TNFRSF8: variants seen among roughly 807,000 people sequenced by gnomAD.
TNFRSF8 encodes the protein TNF receptor superfamily member 8.
TNFRSF8 carries 26 observed loss-of-function variants against 70.8 expected under a neutral mutation model. That is an observed-to-expected ratio of 0.37 (90% CI 0.27 to 0.51). The LOEUF (loss-of-function observed/expected upper bound fraction) is 0.51. Among genes scored for constraint, TNFRSF8 ranks in the 20% least tolerant of loss-of-function variants. The probability of loss-of-function intolerance (pLI) is 0.94; values close to 1 mark genes in which losing one functional copy is unlikely to be tolerated. For synonymous variants in TNFRSF8, 356 were observed against 339.2 expected (o/e 1.05, Z -0.54); for missense variants, 720 against 807.9 (o/e 0.89, Z 1.32).
intron 2 of TNFRSF8, among the ~76,000 whole-genome samples, chr1:12,094,851 T>C (rs1244258406): frequency 4.0e-5 from 6 of 151,664 alleles, no homozygotes; most frequent in African/African-American, 1.5e-4. Context: ...GTCTTGAACT[T>C]ATGACCTCAA....
intron 7 of TNFRSF8, among the ~76,000 whole-genome samples, chr1:12,114,681 G>A (rs1464706972): frequency 1.2e-4 from 16 of 135,992 alleles, no homozygotes; most frequent in African/African-American, 4.3e-4. Flanking sequence ...TTTGCTTTTG[G>A]AGGAAAAAAA....
At chr1:12,075,023 G>A (rs1390556636) in intron 1 of TNFRSF8, among the ~76,000 whole-genome samples, 4 of 152,102 alleles carry the variant, frequency 2.6e-5, no homozygotes, top group African/African-American at 7.2e-5. Flanking sequence ...TTGGGAGGCC[G>A]AGGCAGGTGG....
chr1:12,064,526 A>C (rs1024654408), intron 1 of TNFRSF8, among the ~76,000 whole-genome samples: 2 of 151,586 alleles, frequency 1.3e-5, no homozygotes, highest in Non-Finnish European at 2.9e-5. Flanking sequence ...AATGATACAG[A>C]GGGAAAGGAA....
intron 2 of TNFRSF8, 38 bp from the exon 3 acceptor site, chr1:12,097,063 G>A: frequency 3.2e-6 from 5 of 1,577,954 alleles, no homozygotes; most frequent in Non-Finnish European, 4.4e-6. Flanking sequence ...CCTTTGCTAA[G>A]TCAGCCTGGC....
rs1642297246 is a variant in TNFRSF8 at position 12,143,474 on chromosome 1, ATCTTCCTTAGG to A, written c.*947_*957del. On this transcript the variant is annotated 3_prime_UTR_variant, in exon 15 of 15. Transcript: ENST00000263932. The surrounding 1 kb of genome is among the most constrained non-coding windows in gnomAD (Gnocchi z 4.1). ...ACTCTGTCCTGGGAAATGAAGAAGC[ATCTTCCTTAGG>A]TCTGCCCTGCTTGCAAATCCACTAG... The A allele has an allele frequency of 2.0e-5, 3 of 152,300 alleles. No homozygotes were observed. 9.4% of individuals were successfully genotyped at this position (152,300 alleles called of 1,614,324 possible). A position where few individuals can be genotyped will look rare whatever the true frequency, so the allele number is the denominator to read the frequency against.
chr1:12,075,636 GCCA>G (rs1425973081), intron 1 of TNFRSF8, among the ~76,000 whole-genome samples: 1 of 152,154 alleles, frequency 6.6e-6, no homozygotes, highest in African/African-American at 2.4e-5. Flanking sequence ...ATTCCCCTTT[GCCA>G]TGTAAGGAGA....
intron 3 of TNFRSF8, among the ~76,000 whole-genome samples, chr1:12,103,301 G>A (rs1407456323): frequency 6.6e-6 from 1 of 151,916 alleles, no homozygotes; most frequent in African/African-American, 2.4e-5. Context: ...GTTGCAGTGA[G>A]CCGAGATTGC....
chr1:12,123,924 G>T, intron 10 of TNFRSF8, 97 bp downstream of exon 10: 1 of 1,115,148 alleles, frequency 9.0e-7, no homozygotes, highest in South Asian at 1.4e-5. Context: ...TCCTTTGTGG[G>T]TATGGTCTGA....
intron 1 of TNFRSF8, chr1:12,080,373 G>A (rs897786150): frequency 7.6e-6 from 4 of 524,644 alleles, no homozygotes; most frequent in African/African-American, 5.8e-5. Context: ...ATGCCATAGA[G>A]CTTTGTCACA....
At position 12,091,828 on chromosome 1, in the gene TNFRSF8, A is replaced by G. The variant is rs142486167; in HGVS notation, c.152-5273A>G. Among the ~76,000 whole-genome samples, 486 of 152,286 alleles carry G rather than the reference A, an allele frequency of 3.2e-3. 2 individuals carry two copies. Among genetic ancestry groups the G allele is most frequent in the African/African-American group, 0.011 (450 of 41,558 alleles). On this transcript the variant is annotated intron_variant, in intron 2 of 14. Coordinates refer to ENST00000263932, the MANE Select transcript of TNFRSF8 (RefSeq NM_001243.5). ...GGGGGTCAGGGATGGTTTTGAGATGAAACTGTTCCATCTCAGATCATCAGG... is the reference window on the plus strand; with the variant it reads ...GGGGGTCAGGGATGGTTTTGAGATGGAACTGTTCCATCTCAGATCATCAGG...
intron 2 of TNFRSF8, among the ~76,000 whole-genome samples, chr1:12,095,231 G>A (rs145399259): frequency 0.016 from 2,433 of 152,038 alleles, 201 homozygotes; most frequent in Admixed American, 0.14. Context: ...CTTTGAAACT[G>A]TGGAGTTATT....
Position 12,138,769 on chromosome 1 carries a change from C to T in TNFRSF8, c.1543+333C>T, listed in dbSNP as rs1371188526. ...GTCACAGGACCTGCCACTTGTCTGG[C>T]GCATTCCGGGCACTGTGTAGGTGCC... On this transcript the variant is annotated intron_variant, in intron 14 of 14. Transcript: ENST00000263932. This position sits in a 1 kb window ranked among gnomAD's most constrained non-coding sequence, Gnocchi z 5.7. Among the ~76,000 whole-genome samples the T allele has an allele frequency of 2.0e-5, 3 of 152,224 alleles. No homozygotes were observed. Among genetic ancestry groups the T allele is most frequent in the African/African-American group, 2.4e-5 (1 of 41,466 alleles).
At position 12,142,607 on chromosome 1, in the gene TNFRSF8, G is replaced by T; in HGVS notation, c.*76G>T. 7 of 1,507,290 alleles carry T rather than the reference G, an allele frequency of 4.6e-6. No homozygotes were observed. The highest frequency in any genetic ancestry group is 6.2e-6 in the Non-Finnish European group (7 of 1,124,304). The allele number at this position is 1,507,290 out of a possible 1,614,324, so 93.4% of individuals were successfully genotyped here. ...CCAGGATGGCACTGTTGGCACCGAGGTTGGGGGCAGAGGCCCATCTGGCCT... is the reference window on the plus strand; with the variant it reads ...CCAGGATGGCACTGTTGGCACCGAGTTTGGGGGCAGAGGCCCATCTGGCCT... On this transcript the variant is annotated 3_prime_UTR_variant, in exon 15 of 15. Coordinates refer to ENST00000263932, the MANE Select transcript of TNFRSF8 (RefSeq NM_001243.5). The surrounding 1 kb of genome is among the most constrained non-coding windows in gnomAD (Gnocchi z 5.0).
intron 12 of TNFRSF8, among the ~76,000 whole-genome samples, 175 bp downstream of exon 12, chr1:12,126,411 C>T (rs1641942082): frequency 1.3e-5 from 2 of 152,158 alleles, no homozygotes; most frequent in Admixed American, 6.5e-5. Context: ...AAAACTCATG[C>T]GTGTGGAGAA....
chr1:12,080,914 A>G (rs1219796202), intron 1 of TNFRSF8, among the ~76,000 whole-genome samples: 1 of 152,070 alleles, frequency 6.6e-6, no homozygotes, highest in African/African-American at 2.4e-5. Context: ...ATGGGGGAGA[A>G]TTGGGGACAC....
At chr1:12,101,562 C>T (rs529503195) in intron 3 of TNFRSF8, among the ~76,000 whole-genome samples, 13 of 152,282 alleles carry the variant, frequency 8.5e-5, no homozygotes, top group Admixed American at 2.0e-4. Context: ...ACTGGCAGGG[C>T]AGTAGGTTTG....
At position 12,090,025 on chromosome 1, in the gene TNFRSF8, C is replaced by G. The variant is rs184323276; in HGVS notation, c.151+5474C>G. 4.7e-3 allele frequency among the ~76,000 whole-genome samples: 708 copies of G among 151,114 alleles called. 2 individuals are homozygous for G. Among genetic ancestry groups the G allele is most frequent in the Non-Finnish European group, 8.5e-3 (579 of 67,754 alleles). ...TCTACCCATCTACCCACCCATCCAC[C>G]TTTCCCCATCCATCTATCTACCCAT... is the stretch of plus-strand genomic sequence containing the variant. On this transcript the variant is annotated intron_variant, in intron 2 of 14. Transcript: ENST00000263932.
chr1:12,076,097 C>CTTTTTTT lies in TNFRSF8; in HGVS notation c.64-8362_64-8361insTTTTTTT, dbSNP rs397829917. On this transcript the variant is annotated intron_variant, in intron 1 of 14. Transcript: ENST00000263932. ...TTCTTGGTTTTATTCTTTTTTTTTTCTTTTTCTTTTTTTTTTTTTTGAGAT... is the reference window on the plus strand; with the variant it reads ...TTCTTGGTTTTATTCTTTTTTTTTTCTTTTTTTTTTTTCTTTTTTTTTTTTTTGAGAT... Among the ~76,000 whole-genome samples, 9 of 139,476 alleles carry CTTTTTTT rather than the reference C, an allele frequency of 6.5e-5. 1 individual carries two copies. The highest frequency in any genetic ancestry group is 2.3e-4 in the South Asian group (1 of 4,350). The allele number at this position is 139,476 out of a possible 152,430, so 91.5% of individuals were successfully genotyped here. A position where few individuals can be genotyped will look rare whatever the true frequency, so the allele number is the denominator to read the frequency against.
At position 12,104,467 on chromosome 1, in the gene TNFRSF8, C is replaced by G; in HGVS notation, c.357C>G (p.Val119=). The part of the protein sequence containing the change: ...RPGMFCSTSA[V]NSCARCFFHS... Reference sequence around the variant, plus strand: ...GCATGTTCTGTTCCACGTCTGCCGTCAACTCCTGTGCCCGCTGCTTCTTCC... The same window carrying G: ...GCATGTTCTGTTCCACGTCTGCCGTGAACTCCTGTGCCCGCTGCTTCTTCC... Residue 119 remains valine (V), a synonymous_variant, in exon 4 of 15, where the codon GTC becomes GTG. Coordinates refer to ENST00000263932, the MANE Select transcript of TNFRSF8 (RefSeq NM_001243.5). 6.2e-7 allele frequency: 1 copy of G among 1,614,220 alleles called. No individual in the cohort carries two copies. The highest frequency in any genetic ancestry group is 8.5e-7 in the Non-Finnish European group (1 of 1,180,036).
Sources: allele counts gnomAD v4.1 joint callset (sites outside exome capture counted in the v4.1 genomes callset), GRCh38; gene constraint gnomAD v4.1.1; non-coding constraint Gnocchi (gnomAD v3.1); transcripts MANE v1.5; gene names NCBI Gene and HGNC (gene_info 2026-07-23, HGNC 2026-07-21).